The following RUNX1 variants were observed in gnomAD, a reference collection of about 807,000 sequenced individuals.
The protein encoded by RUNX1 is runt-related transcription factor 1.
Under a neutral mutation model 42.8 loss-of-function variants are expected in RUNX1, and 19 were observed. The observed-to-expected ratio is 0.44, with a 90% CI of 0.31 to 0.65. The LOEUF (loss-of-function observed/expected upper bound fraction) is 0.65, where lower values mean the gene tolerates loss of function less well. RUNX1 is among the 30% of genes least tolerant of loss of function. The pLI is 0.07. For missense variants in RUNX1, 528 were observed against 672.0 expected (o/e 0.79, Z 2.37); for synonymous variants, 271 against 289.4 (o/e 0.94, Z 0.64).
At chr21:34,939,465 C>G (rs190434322) in intron 2 of RUNX1, among the ~76,000 whole-genome samples, 2 of 152,156 alleles carry the variant, frequency 1.3e-5, no homozygotes, top group African/African-American at 4.8e-5. Context: ...GAAAGTTACA[C>G]GTTCATAGCA....
chr21:35,038,966 T>G (rs9978908), intron 2 of RUNX1: 1 of 344,026 alleles, frequency 2.9e-6, no homozygotes, highest in Non-Finnish European at 5.8e-6. Flanking sequence ...AGGCACATGG[T>G]GGGTGCTTAA....
intron 2 of RUNX1, among the ~76,000 whole-genome samples, chr21:34,982,635 T>C (rs1171436308): frequency 6.6e-6 from 1 of 152,202 alleles, no homozygotes; most frequent in Admixed American, 6.5e-5. Flanking sequence ...AGTGGCGCGA[T>C]CTTGGCTTAT....
At chr21:35,011,886 T>C (rs1001051959) in intron 2 of RUNX1, among the ~76,000 whole-genome samples, 1 of 152,182 alleles carries the variant, frequency 6.6e-6, no homozygotes. Context: ...CAAAAAGAGA[T>C]CTGGACCCTA....
At chr21:34,960,268 G>A (rs755091298) in intron 2 of RUNX1, among the ~76,000 whole-genome samples, 4 of 152,156 alleles carry the variant, frequency 2.6e-5, no homozygotes, top group South Asian at 2.1e-4. Flanking sequence ...CCCGGCTCCC[G>A]ATAGGTGGAA....
chr21:34,904,108 T>C (rs2058198899), intron 2 of RUNX1, among the ~76,000 whole-genome samples: 2 of 152,182 alleles, frequency 1.3e-5, no homozygotes, highest in South Asian at 4.1e-4. Context: ...AACATCATTG[T>C]CTACCTCTCA....
intron 8 of RUNX1, among the ~76,000 whole-genome samples, chr21:34,798,343 G>T (rs2056559706): frequency 6.6e-6 from 1 of 152,172 alleles, no homozygotes; most frequent in African/African-American, 2.4e-5. Context: ...TTCAACAAAG[G>T]AATTTTTCTC....
chr21:34,959,228 A>G (rs1289529367), intron 2 of RUNX1, among the ~76,000 whole-genome samples: 1 of 152,200 alleles, frequency 6.6e-6, no homozygotes, highest in Non-Finnish European at 1.5e-5. Context: ...CCAAAAAAAA[A>G]AAGACTCAAT....
At chr21:35,003,981 A>G (rs1415618481) in intron 2 of RUNX1, among the ~76,000 whole-genome samples, 1 of 152,224 alleles carries the variant, frequency 6.6e-6, no homozygotes, top group African/African-American at 2.4e-5. Context: ...GATCCAACAT[A>G]TTTACATATT....
intron 2 of RUNX1, among the ~76,000 whole-genome samples, chr21:34,936,269 C>G (rs928619382): frequency 4.0e-5 from 6 of 149,216 alleles, no homozygotes; most frequent in Admixed American, 1.3e-4. Context: ...ATTCAGCCCC[C>G]CTCTTTTTTA....
chr21:34,991,749 C>T (rs1569140589), intron 2 of RUNX1, among the ~76,000 whole-genome samples: 1 of 152,164 alleles, frequency 6.6e-6, no homozygotes, highest in African/African-American at 2.4e-5. Context: ...CCACATAGAA[C>T]CTCAGAATGT....
Position 34,792,393 on chromosome 21 carries a change from C to G in RUNX1, c.1185G>C (p.Pro395=), listed in dbSNP as rs964436940. The G allele has an allele frequency of 7.0e-6, 11 of 1,565,842 alleles. No individual in the cohort carries two copies. Among genetic ancestry groups the G allele is most frequent in the African/African-American group, 1.4e-5 (1 of 73,954 alleles). The change falls in exon 9 of 9, where the codon CCG becomes CCC. Residue 395 remains proline, a synonymous_variant. Transcript: ENST00000675419. This position sits in a 1 kb window ranked among gnomAD's most constrained non-coding sequence, Gnocchi z 6.9. ...GGTAGGAGGGCGAGCTGGCTTGGAA[C>G]GGGCCTCCCTGCGCTTGCGACGAGC... is the stretch of plus-strand genomic sequence containing the variant. ...YPGSSQAQGG[P]FQASSPSYHL...
chr21:34,936,241 T>C (rs2058484139), intron 2 of RUNX1, among the ~76,000 whole-genome samples: 1 of 151,950 alleles, frequency 6.6e-6, no homozygotes, highest in Admixed American at 6.5e-5. Context: ...TCATATTCAT[T>C]TGTGATAACT....
chr21:35,007,001 G>A (rs2059089908), intron 2 of RUNX1, among the ~76,000 whole-genome samples: 1 of 152,186 alleles, frequency 6.6e-6, no homozygotes, highest in African/African-American at 2.4e-5. Context: ...CAGCTGCACT[G>A]CTTGGTATTG....
chr21:34,981,976 G>A lies in RUNX1; in HGVS notation c.58+66866C>T, dbSNP rs1485032435. On this transcript the variant is annotated intron_variant, in intron 2 of 8. Transcript: ENST00000675419. Reference sequence around the variant, plus strand: ...GCCTGCAAGGGTGAGTCTCAGAACAGCTGCTAAAAATGCAGCTGGATAGTG... The same window carrying A: ...GCCTGCAAGGGTGAGTCTCAGAACAACTGCTAAAAATGCAGCTGGATAGTG... Among the ~76,000 whole-genome samples, 7 of 152,294 alleles carry A rather than the reference G, an allele frequency of 4.6e-5. No individual in the cohort carries two copies. The East Asian group carries it at 1.3e-3, about 29-fold the overall frequency.
intron 2 of RUNX1, among the ~76,000 whole-genome samples, chr21:35,017,647 C>T (rs933397621): frequency 6.6e-6 from 1 of 152,102 alleles, no homozygotes; most frequent in African/African-American, 2.4e-5. Flanking sequence ...AACGTGGGAA[C>T]TCTAAGTTTG....
At chr21:34,818,401 C>A (rs2056861708) in intron 7 of RUNX1, among the ~76,000 whole-genome samples, 1 of 152,130 alleles carries the variant, frequency 6.6e-6, no homozygotes, top group Admixed American at 6.5e-5. Context: ...AGGGAAAGGG[C>A]CCGAGAGGCA....
chr21:34,829,437 TTC>T (rs149816789), intron 7 of RUNX1, among the ~76,000 whole-genome samples: 4 of 152,094 alleles, frequency 2.6e-5, no homozygotes, highest in Non-Finnish European at 4.4e-5. Context: ...TTTTCATTTC[TTC>T]TCTCTCTCTC....
chr21:34,794,274 CA>C (rs1392897553), intron 8 of RUNX1, among the ~76,000 whole-genome samples: 2 of 152,042 alleles, frequency 1.3e-5, no homozygotes, highest in Non-Finnish European at 2.9e-5. Context: ...AGGCCTTCGA[CA>C]GTTGAAAAAT....
chr21:34,798,402 A>G (rs147440429), intron 8 of RUNX1, among the ~76,000 whole-genome samples: 40 of 152,300 alleles, frequency 2.6e-4, no homozygotes, highest in Non-Finnish European at 5.4e-4. Flanking sequence ...GCCAAGCCCA[A>G]AGGGCTCATA....
Sources: gnomAD v4.1 joint callset for allele counts (sites outside exome capture counted in the v4.1 genomes callset) on GRCh38, gnomAD v4.1.1 for gene constraint, Gnocchi (gnomAD v3.1) non-coding constraint, MANE v1.5 for transcripts, NCBI Gene and HGNC (gene_info 2026-07-23, HGNC 2026-07-21) for gene names.